Variants in FLVCR2 observed in about 807,000 individuals in gnomAD.
FLVCR2 encodes the protein choline/ethanolamine transporter FLVCR2.
A neutral mutation model predicts 48.9 loss-of-function variants in FLVCR2; 38 were observed. The observed-to-expected ratio is 0.78, with a 90% CI of 0.60 to 1.02. The LOEUF is 1.02. Among genes scored for constraint, FLVCR2 ranks in the 50% least tolerant of loss-of-function variants. FLVCR2 has a pLI of 0.00. For synonymous variants in FLVCR2, 255 were observed against 257.0 expected (o/e 0.99, Z 0.07); for missense variants, 664 against 663.3 (o/e 1.00, Z -0.01).
chr14:75,614,255 C>T (rs897181746), intron 1 of FLVCR2, among the ~76,000 whole-genome samples: 1 of 152,216 alleles, frequency 6.6e-6, no homozygotes, highest in African/African-American at 2.4e-5. Flanking sequence ...CTTGTCTAGA[C>T]TTAAATTTCC....
chr14:75,579,521 C>T lies in FLVCR2; in HGVS notation c.549C>T (p.Gly183=). The T allele has an allele frequency of 6.2e-7, 1 of 1,613,078 alleles. No individual in the cohort carries two copies. The highest frequency in any genetic ancestry group is 1.3e-5 in the African/African-American group (1 of 75,024). ...KPHLFPVTVV[G]QLICSVAQVF... is the part of the protein sequence containing the mutation. The stretch of plus-strand genomic sequence containing the variant: ...ATCTCTTTCCGGTCACCGTGGTGGG[C>T]CAGCTCATCTGCTCTGTGGCCCAGG... Residue 183 remains glycine (G), a synonymous_variant, in exon 1 of 10, where the codon GGC becomes GGT. Coordinates refer to ENST00000238667, the MANE Select transcript of FLVCR2 (RefSeq NM_017791.3).
In FLVCR2 at chr14:75,613,739, T is replaced by C. The variant is rs541370192; in HGVS notation, c.670-8340T>C. Reference sequence around the variant, plus strand: ...CTAATTTTTGTATTTTTAGTAGAGATAGGGTTTCACCAGGTTGGCCAGGCT... The same window carrying C: ...CTAATTTTTGTATTTTTAGTAGAGACAGGGTTTCACCAGGTTGGCCAGGCT... On this transcript the variant is annotated intron_variant, in intron 1 of 9. Transcript: ENST00000238667. Among the ~76,000 whole-genome samples, 20 of 152,086 alleles carry C rather than the reference T, an allele frequency of 1.3e-4. No homozygotes were observed. The South Asian group carries it at 3.7e-3, about 28-fold the overall frequency.
At chr14:75,615,835 C>CG (rs1889595721) in intron 1 of FLVCR2, among the ~76,000 whole-genome samples, 2 of 142,228 alleles carry the variant, frequency 1.4e-5, no homozygotes, top group African/African-American at 5.1e-5. Flanking sequence ...CTGGCTAACA[C>CG]ATGAAACCCT....
intron 3 of FLVCR2, among the ~76,000 whole-genome samples, chr14:75,627,779 C>G (rs1321146816): frequency 6.6e-6 from 1 of 152,168 alleles, no homozygotes; most frequent in Non-Finnish European, 1.5e-5. Flanking sequence ...TTGGGGTGAA[C>G]AAGAGGCTGC....
At chr14:75,599,067 C>T (rs750313254) in intron 1 of FLVCR2, among the ~76,000 whole-genome samples, 2 of 152,122 alleles carry the variant, frequency 1.3e-5, no homozygotes, top group Non-Finnish European at 2.9e-5. Context: ...GTTAAATAAC[C>T]AACTAGGAAG....
At chr14:75,641,752 C>T in intron 8 of FLVCR2, 91 bp from the exon 9 acceptor site, 1 of 1,203,980 alleles carries the variant, frequency 8.3e-7, no homozygotes, top group Non-Finnish European at 1.2e-6. Context: ...TTTGGGATAC[C>T]TGTGACCCTT....
intron 3 of FLVCR2, among the ~76,000 whole-genome samples, chr14:75,627,127 A>C (rs1889917658): frequency 1.3e-5 from 2 of 151,106 alleles, no homozygotes; most frequent in South Asian, 2.1e-4. Context: ...GAGCAAAGCT[A>C]CTCCTCCTCC....
At chr14:75,592,552 A>G (rs1418771990) in intron 1 of FLVCR2, among the ~76,000 whole-genome samples, 1 of 152,168 alleles carries the variant, frequency 6.6e-6, no homozygotes, top group Admixed American at 6.5e-5. Context: ...ATGTTCTTTC[A>G]TTCTCTACCA....
At chr14:75,637,492 G>A (rs988520514) in intron 5 of FLVCR2, among the ~76,000 whole-genome samples, 2 of 152,102 alleles carry the variant, frequency 1.3e-5, no homozygotes, top group African/African-American at 2.4e-5. Flanking sequence ...TTTGGGAGGC[G>A]GAGGCGGGCA....
chr14:75,643,363 T>A (rs1385930113), intron 9 of FLVCR2, among the ~76,000 whole-genome samples: 2 of 152,240 alleles, frequency 1.3e-5, no homozygotes, highest in African/African-American at 4.8e-5. Context: ...TCATGCCCAT[T>A]TCAAAGACTT....
chr14:75,579,209 G>A lies in FLVCR2; in HGVS notation c.237G>A (p.Lys79=). The A allele has an allele frequency of 1.2e-6, 2 of 1,614,222 alleles. No homozygotes were observed. Among genetic ancestry groups the A allele is most frequent in the South Asian group, 1.1e-5 (1 of 91,084 alleles). The part of the protein sequence containing the change: ...SSGPEDLSVI[K]VSRRRWAVVL... The stretch of plus-strand genomic sequence containing the variant: ...GCCCTGAGGACCTCAGCGTGATCAA[G>A]GTGAGCAGGCGCCGTTGGGCCGTGG... The change falls in exon 1 of 10, where the codon AAG becomes AAA. Residue 79 remains lysine (K), a synonymous_variant. Transcript: ENST00000238667.
intron 1 of FLVCR2, among the ~76,000 whole-genome samples, chr14:75,606,980 C>T (rs1889308908): frequency 6.6e-6 from 1 of 151,994 alleles, no homozygotes; most frequent in Non-Finnish European, 1.5e-5. Context: ...GGCACCAGAG[C>T]AGACCCAAGG....
chr14:75,587,587 A>G (rs555613588), intron 1 of FLVCR2, among the ~76,000 whole-genome samples: 69 of 152,364 alleles, frequency 4.5e-4, no homozygotes, highest in Non-Finnish European at 1.3e-4. Flanking sequence ...AGCCTGGAGA[A>G]TACAACTGAG....
intron 9 of FLVCR2, among the ~76,000 whole-genome samples, chr14:75,644,850 T>C (rs1472205760): frequency 6.6e-6 from 1 of 152,150 alleles, no homozygotes; most frequent in African/African-American, 2.4e-5. Context: ...ATGTATAGTT[T>C]AGGGAAAAAG....
chr14:75,605,832 G>GA, intron 1 of FLVCR2: 1 of 574,428 alleles, frequency 1.7e-6, no homozygotes, highest in Non-Finnish European at 3.1e-6. Flanking sequence ...CTGGAGCAAG[G>GA]TTGGGAGCTG....
intron 1 of FLVCR2, chr14:75,605,709 G>A: frequency 2.3e-6 from 3 of 1,303,040 alleles, no homozygotes; most frequent in Non-Finnish European, 3.2e-6. Flanking sequence ...GTTTGCTTTG[G>A]CTCCCCTCCG....
chr14:75,587,403 T>C (rs571692598), intron 1 of FLVCR2, among the ~76,000 whole-genome samples: 9 of 152,246 alleles, frequency 5.9e-5, no homozygotes, highest in Non-Finnish European at 1.3e-4. Flanking sequence ...TTTCCAGCAG[T>C]TTTGTTTAGA....
intron 1 of FLVCR2, among the ~76,000 whole-genome samples, chr14:75,593,371 C>T (rs559478276): frequency 3.9e-5 from 6 of 152,278 alleles, no homozygotes; most frequent in South Asian, 2.1e-4. Context: ...CATTCAAGGG[C>T]GTGCCTGCAG....
At chr14:75,604,766 C>T (rs4903336) in intron 1 of FLVCR2, among the ~76,000 whole-genome samples, 6,064 of 152,142 alleles carry the variant, frequency 0.04, 223 homozygotes, top group Admixed American at 0.11. Flanking sequence ...GAGCTGATTC[C>T]TAATGAGTGA....
Sources: allele counts gnomAD v4.1 joint callset (sites outside exome capture counted in the v4.1 genomes callset), GRCh38; gene constraint gnomAD v4.1.1; transcripts MANE v1.5; gene names NCBI Gene and HGNC (gene_info 2026-07-23, HGNC 2026-07-21).